The following HOXA3 variants were observed in gnomAD, a reference collection of about 807,000 sequenced individuals.
The protein encoded by HOXA3 is homeobox protein Hox-A3.
In HOXA3, 8 loss-of-function variants were observed where a neutral mutation model predicts 30.3. That is an observed-to-expected ratio of 0.26 (90% CI 0.15 to 0.48). HOXA3 has a LOEUF of 0.48. Among genes scored for constraint, HOXA3 ranks in the 20% least tolerant of loss-of-function variants. The pLI, the probability that HOXA3 is intolerant of heterozygous loss-of-function variation, is 0.99. For synonymous variants in HOXA3, 323 were observed against 273.1 expected (o/e 1.18, Z -1.80); for missense variants, 653 against 614.4 (o/e 1.06, Z -0.66).
At chr7:27,137,325 T>A (rs1785744868) in intron 2 of HOXA3, among the ~76,000 whole-genome samples, 1 of 152,102 alleles carries the variant, frequency 6.6e-6, no homozygotes, top group Non-Finnish European at 1.5e-5. Context: ...AACCACTAAG[T>A]AAGTGTGACC....
intron 4 of HOXA3, among the ~76,000 whole-genome samples, chr7:27,120,657 C>T (rs145955958): frequency 3.5e-4 from 53 of 152,138 alleles, no homozygotes; most frequent in Middle Eastern, 3.4e-3. Flanking sequence ...GGCCTCCAAA[C>T]GGCTGCTAAC....
In HOXA3 at chr7:27,110,529, C is replaced by A. The variant is rs1379341623; in HGVS notation, c.112G>T (p.Ala38Ser). Residue 38 changes from alanine (A) to serine (S), a missense_variant, in exon 5 of 6, where the codon GCT becomes TCT. Coordinates refer to ENST00000612286, the MANE Select transcript of HOXA3 (RefSeq NM_153631.3). ...ANQQPYPASA[A>S]LGADGEYHRP... ...TGGTACTCGCCGTCGGCGCCCAAAG[C>A]GGCGGACGCCGGGTACGGCTGCTGA... 2 of 1,607,130 alleles carry A rather than the reference C, an allele frequency of 1.2e-6. No homozygotes were observed. The highest frequency in any genetic ancestry group is 2.2e-5 in the East Asian group (1 of 44,606).
intron 2 of HOXA3, chr7:27,129,495 C>T: frequency 6.2e-7 from 1 of 1,614,168 alleles, no homozygotes; most frequent in East Asian, 2.2e-5. Flanking sequence ...GGAACTCCTT[C>T]TCCAGCTCCA....
chr7:27,129,463 C>T (rs777100810), intron 2 of HOXA3: 2 of 1,614,020 alleles, frequency 1.2e-6, no homozygotes, highest in African/African-American at 1.3e-5. Flanking sequence ...GCGGCGCCGC[C>T]GGGTCAGGTA....
chr7:27,133,595 C>A (rs899479538), intron 2 of HOXA3, among the ~76,000 whole-genome samples: 2 of 152,160 alleles, frequency 1.3e-5, no homozygotes, highest in Non-Finnish European at 2.9e-5. Flanking sequence ...TTCTTAAAAT[C>A]CCATTAGGTG....
At chr7:27,129,239 G>C (rs17500757) in intron 2 of HOXA3, 1 of 1,542,306 alleles carries the variant, frequency 6.5e-7, no homozygotes, top group East Asian at 2.2e-5. Flanking sequence ...ATGGAGGAGG[G>C]AACGGGTGTG....
chr7:27,141,519 T>G, intron 1 of HOXA3: 1 of 182,414 alleles, frequency 5.5e-6, no homozygotes. Flanking sequence ...AGGGGGACTT[T>G]TTGTGTGTTT....
chr7:27,147,540 C>T (rs1466811991), intron 1 of HOXA3: 4 of 1,614,132 alleles, frequency 2.5e-6, no homozygotes, highest in Non-Finnish European at 3.4e-6. Flanking sequence ...ACTCGTAGGA[C>T]GCCCGGTTGC....
intron 1 of HOXA3, chr7:27,142,040 G>T (rs770993372): frequency 3.7e-6 from 6 of 1,614,164 alleles, no homozygotes; most frequent in East Asian, 2.2e-5. Context: ...CTGGTAGCGC[G>T]TGTAGGCCGT....
intron 1 of HOXA3, chr7:27,145,484 T>G: frequency 2.6e-6 from 2 of 765,994 alleles, no homozygotes; most frequent in Non-Finnish European, 2.1e-6. Context: ...TTTGTTTTGT[T>G]TTGTTTTGTT....
At chr7:27,144,540 C>T (rs578055036) in intron 1 of HOXA3, among the ~76,000 whole-genome samples, 8 of 152,298 alleles carry the variant, frequency 5.3e-5, no homozygotes, top group African/African-American at 1.9e-4. Flanking sequence ...TCACAGGGTC[C>T]GGTTCCTCGA....
In HOXA3 at chr7:27,108,698, C is replaced by G. The variant is rs201202337; in HGVS notation, c.549G>C (p.Lys183Asn). ...SSSGESCAGD[K>N]SPPGQASSKR... is the part of the protein sequence containing the mutation. ...TGGACGAAGCCTGCCCCGGCGGGCT[C>G]TTGTCGCCAGCGCAGCTTTCGCCTG... Residue 183 changes from lysine to asparagine, a missense_variant, in exon 6 of 6, where the codon AAG becomes AAC. Physicochemically the swap from Lys to Asn is moderately conservative, Grantham distance 94 (BLOSUM62 0). This residue lies in a region of HOXA3 where 320 missense variants were observed against 321.9 expected (regional missense o/e 0.99). Transcript: ENST00000612286. This position sits in a 1 kb window ranked among gnomAD's most constrained non-coding sequence, Gnocchi z 5.0. 4 of 1,604,566 alleles carry G rather than the reference C, an allele frequency of 2.5e-6. No individual in the cohort carries two copies. Among genetic ancestry groups the G allele is most frequent in the Non-Finnish European group, 3.4e-6 (4 of 1,173,386 alleles).
intron 2 of HOXA3, among the ~76,000 whole-genome samples, chr7:27,132,810 C>A (rs1171546124): frequency 6.6e-6 from 1 of 151,922 alleles, no homozygotes; most frequent in Non-Finnish European, 1.5e-5. Flanking sequence ...AAATCTGAAC[C>A]CTATAAGTTT....
intron 1 of HOXA3, among the ~76,000 whole-genome samples, chr7:27,148,758 A>G (rs534675673): frequency 3.9e-5 from 6 of 152,260 alleles, no homozygotes; most frequent in African/African-American, 1.4e-4. Context: ...CTGGGGACTC[A>G]GCATCCACTG....
intron 1 of HOXA3, among the ~76,000 whole-genome samples, chr7:27,143,930 G>T (rs1782665168): frequency 6.6e-6 from 1 of 152,328 alleles, no homozygotes; most frequent in South Asian, 2.1e-4. Context: ...CCCGCTGGAG[G>T]CAGGGCTCAT....
intron 4 of HOXA3, among the ~76,000 whole-genome samples, chr7:27,118,266 A>G (rs1055189635): frequency 5.9e-5 from 9 of 152,262 alleles, no homozygotes; most frequent in African/African-American, 1.7e-4. Context: ...GGAGAAGGGG[A>G]AGGAGAAGGA....
intron 1 of HOXA3, among the ~76,000 whole-genome samples, chr7:27,145,206 A>G (rs1169001176): frequency 6.6e-6 from 1 of 152,126 alleles, no homozygotes; most frequent in Non-Finnish European, 1.5e-5. Context: ...GCCCTTCGGG[A>G]CTTACTGGCG....
chr7:27,109,290 C>T (rs773000302), intron 5 of HOXA3, among the ~76,000 whole-genome samples: 2 of 152,184 alleles, frequency 1.3e-5, no homozygotes, highest in Non-Finnish European at 2.9e-5. Context: ...GGCCTAGGCC[C>T]TTCATGCTAG....
At chr7:27,128,197 C>A (rs775006929) in intron 2 of HOXA3, 2 of 152,202 alleles carry the variant, frequency 1.3e-5, no homozygotes, top group Non-Finnish European at 2.9e-5. Flanking sequence ...ACTTTCATTG[C>A]AGGGAAGGAC....
Sources: gnomAD v4.1 joint callset for allele counts (sites outside exome capture counted in the v4.1 genomes callset) on GRCh38, gnomAD v4.1.1 for gene constraint, gnomAD v4.1.1 regional missense constraint, Gnocchi (gnomAD v3.1) non-coding constraint, MANE v1.5 for transcripts, NCBI Gene and HGNC (gene_info 2026-07-23, HGNC 2026-07-21) for gene names.